ZDHHC11B: variants seen among roughly 807,000 people sequenced by gnomAD.
ZDHHC11B encodes the protein zDHHC palmitoyltransferase 11B (putative).
A neutral mutation model predicts 42.3 loss-of-function variants in ZDHHC11B; 17 were observed. The ratio of observed to expected loss-of-function variants is 0.40; its 90% CI spans 0.27 to 0.60. The LOEUF (loss-of-function observed/expected upper bound fraction) is 0.60, where lower values mean the gene tolerates loss of function less well. Among genes scored for constraint, ZDHHC11B ranks in the 20% least tolerant of loss-of-function variants. The pLI, the probability that ZDHHC11B is intolerant of heterozygous loss-of-function variation, is 0.41. For synonymous variants in ZDHHC11B, 123 were observed against 193.5 expected, an observed-to-expected ratio of 0.64 and a Z score of 3.02; for missense variants, 262 against 463.2, an observed-to-expected ratio of 0.57 and a Z score of 3.99.
chr5:774,483 C>T (rs1736303540), intron 1 of ZDHHC11B, among the ~76,000 whole-genome samples: 1 of 152,234 alleles, frequency 6.6e-6, no homozygotes, highest in Admixed American at 6.5e-5. Context: ...GGGACCTGTC[C>T]CTTGGGCCTG....
At chr5:777,597 C>T (rs1442494966) in intron 1 of ZDHHC11B, among the ~76,000 whole-genome samples, 4 of 151,970 alleles carry the variant, frequency 2.6e-5, no homozygotes, top group Non-Finnish European at 5.9e-5. Flanking sequence ...TATCTGACCC[C>T]ACCCACATCC....
rs1393178973 is a variant in ZDHHC11B at position 751,117 on chromosome 5, A to T, written c.628+16T>A. 3 of 1,254,772 alleles carry T rather than the reference A, an allele frequency of 2.4e-6. 1 individual carries two copies. The highest frequency in any genetic ancestry group is 3.2e-6 in the Non-Finnish European group (3 of 944,546). The allele number at this position is 1,254,772 out of a possible 1,614,324, so 77.7% of individuals were successfully genotyped here. ...GGAGGCGAGGATGAGGCCCCTTGAG[A>T]GCGGCGGCCACGTACCTTCATACCT... On this transcript the variant is annotated intron_variant, in intron 7 of 13. Coordinates refer to ENST00000508859, the MANE Select transcript of ZDHHC11B (RefSeq NM_001351303.2).
chr5:764,541 G>A (rs1191307635), intron 4 of ZDHHC11B, among the ~76,000 whole-genome samples: 1 of 151,932 alleles, frequency 6.6e-6, no homozygotes, highest in Non-Finnish European at 1.5e-5. Flanking sequence ...GGTCCCCCAG[G>A]AGTGCTGGTC....
At chr5:767,574 C>A (rs535390911) in intron 2 of ZDHHC11B, 50 bp from the exon 3 acceptor site, 37 of 1,332,890 alleles carry the variant, frequency 2.8e-5, no homozygotes, top group Non-Finnish European at 3.7e-5. Flanking sequence ...TGGAAGGACT[C>A]GGTGTGCAGG....
chr5:717,306 G>C lies in ZDHHC11B; in HGVS notation c.1059-441C>G, dbSNP rs1416895377. 6.9e-4 allele frequency among the ~76,000 whole-genome samples: 105 copies of C among 151,224 alleles called. 2 individuals are homozygous for C. Among genetic ancestry groups the C allele is most frequent in the African/African-American group, 2.6e-3 (105 of 40,722 alleles). On this transcript the variant is annotated intron_variant, in intron 12 of 13. Coordinates refer to ENST00000508859, the MANE Select transcript of ZDHHC11B (RefSeq NM_001351303.2). Reference sequence around the variant, plus strand: ...TTTTTATACCCACATCTTGAGTACAGGTGTTTTGTTCTCTGCCCTGATGTT... The same window carrying C: ...TTTTTATACCCACATCTTGAGTACACGTGTTTTGTTCTCTGCCCTGATGTT...
chr5:754,152 A>G (rs1306866354), intron 6 of ZDHHC11B, among the ~76,000 whole-genome samples: 23 of 100,688 alleles, frequency 2.3e-4, no homozygotes, highest in South Asian at 8.0e-4. Context: ...CCTCTCATCT[A>G]TGAGCCTCCA....
At position 746,003 on chromosome 5, in the gene ZDHHC11B, G is replaced by A. The variant is rs193211402; in HGVS notation, c.785-705C>T. ...TGCCCACAGGACAGCTCAGCAGGCC[G>A]GCCAGAGCCCTATCCACCTGGCCTG... is the stretch of plus-strand genomic sequence containing the variant. On this transcript the variant is annotated intron_variant, in intron 8 of 13. Coordinates refer to ENST00000508859, the MANE Select transcript of ZDHHC11B (RefSeq NM_001351303.2). 7.6e-4 allele frequency among the ~76,000 whole-genome samples: 114 copies of A among 150,062 alleles called. 3 individuals are homozygous for A. The highest frequency in any genetic ancestry group is 1.4e-3 in the Non-Finnish European group (92 of 67,578).
At chr5:736,818 T>G (rs552048755) in intron 10 of ZDHHC11B, among the ~76,000 whole-genome samples, 9 of 128,426 alleles carry the variant, frequency 7.0e-5, no homozygotes, top group African/African-American at 2.6e-4. Flanking sequence ...GCAAAAGTGA[T>G]GTTTAAAGGA....
chr5:718,822 C>G (rs7718134), intron 12 of ZDHHC11B, among the ~76,000 whole-genome samples: 73,246 of 149,856 alleles, frequency 0.49, 14,140 homozygotes, highest in African/African-American at 0.55. Context: ...CAGCAACCTA[C>G]ATTCTTGGAG....
intron 12 of ZDHHC11B, among the ~76,000 whole-genome samples, chr5:728,040 C>T (rs1305633841): frequency 6.7e-6 from 1 of 149,622 alleles, no homozygotes; most frequent in Non-Finnish European, 1.5e-5. Context: ...AATTACTATC[C>T]CTAATGTGCA....
At chr5:783,281 C>G (rs1383266766) in intron 1 of ZDHHC11B, among the ~76,000 whole-genome samples, 13 of 152,326 alleles carry the variant, frequency 8.5e-5, no homozygotes, top group African/African-American at 2.9e-4. Context: ...GCGCTGGCAC[C>G]GAGCGGCTGA....
chr5:767,083 G>C lies in ZDHHC11B; in HGVS notation c.1-164C>G. ...GGCCACGTTCCCCGCAGAGGGAGCA[G>C]GGGTTGGGCTGGAGTCGGTGCAGGG... On this transcript the variant is annotated intron_variant, in intron 3 of 13. Transcript: ENST00000508859. 4 of 968,140 alleles carry C rather than the reference G, an allele frequency of 4.1e-6. 1 individual carries two copies. Among genetic ancestry groups the C allele is most frequent in the South Asian group, 3.3e-5 (2 of 60,836 alleles). The allele number at this position is 968,140 out of a possible 1,614,324, so 60.0% of individuals were successfully genotyped here. A position where few individuals can be genotyped will look rare whatever the true frequency, so the allele number is the denominator to read the frequency against.
intron 4 of ZDHHC11B, among the ~76,000 whole-genome samples, chr5:757,520 G>A (rs1189723949): frequency 6.6e-6 from 1 of 151,896 alleles, no homozygotes; most frequent in East Asian, 1.9e-4. Flanking sequence ...TTGGGGCATG[G>A]GGTTAGGGTT....
intron 1 of ZDHHC11B, among the ~76,000 whole-genome samples, chr5:773,467 C>G (rs1219555862): frequency 4.0e-5 from 6 of 151,858 alleles, no homozygotes; most frequent in Non-Finnish European, 8.8e-5. Flanking sequence ...ACGTGTGTGC[C>G]CTGAACCTCC....
chr5:778,551 C>A (rs1736730440), intron 1 of ZDHHC11B, among the ~76,000 whole-genome samples: 3 of 151,736 alleles, frequency 2.0e-5, no homozygotes, highest in Admixed American at 2.0e-4. Context: ...CCTGCCCTGC[C>A]CCGCCCCAGC....
At chr5:758,954 C>T (rs575748588) in intron 4 of ZDHHC11B, among the ~76,000 whole-genome samples, 3 of 151,994 alleles carry the variant, frequency 2.0e-5, no homozygotes, top group Admixed American at 1.3e-4. Flanking sequence ...ATCACCCACT[C>T]GGGTAACCCT....
intron 4 of ZDHHC11B, among the ~76,000 whole-genome samples, chr5:759,632 A>T (rs545437031): frequency 6.6e-6 from 1 of 152,016 alleles, no homozygotes; most frequent in Admixed American, 6.6e-5. Context: ...AGACGCGGGC[A>T]CGCGGGCACT....
chr5:718,291 A>C (rs1403891807), intron 12 of ZDHHC11B, among the ~76,000 whole-genome samples: 8 of 151,712 alleles, frequency 5.3e-5, no homozygotes, highest in Non-Finnish European at 1.0e-4. Flanking sequence ...CTTCCACTGA[A>C]ACAACCATTG....
chr5:751,399 C>CACAAAG, intron 6 of ZDHHC11B, 142 bp from the exon 7 acceptor site: 2 of 138,030 alleles, frequency 1.4e-5, no homozygotes, highest in Admixed American at 1.6e-4. Context: ...GCAGGGGGCA[C>CACAAAG]GCAAGGGCAG....
Sources: gnomAD v4.1 joint callset for allele counts (sites outside exome capture counted in the v4.1 genomes callset) on GRCh38, gnomAD v4.1.1 for gene constraint, MANE v1.5 for transcripts, NCBI Gene and HGNC (gene_info 2026-07-23, HGNC 2026-07-21) for gene names.